Variants in FOXP2 observed in about 807,000 individuals in gnomAD.
FOXP2 encodes the protein forkhead box protein P2.
A neutral mutation model predicts 115.8 loss-of-function variants in FOXP2; 12 were observed. The observed-to-expected ratio is 0.10, with a 90% CI of 0.07 to 0.17. The LOEUF is 0.17. FOXP2 is among the 10% of genes least tolerant of loss of function. FOXP2 has a pLI of 1.00. For missense variants in FOXP2, 629 were observed against 843.5 expected (o/e 0.75, Z 3.15); for synonymous variants, 328 against 297.7 (o/e 1.10, Z -1.05).
chr7:114,375,116 G>T (rs1792109905), intron 2 of FOXP2, among the ~76,000 whole-genome samples: 1 of 152,022 alleles, frequency 6.6e-6, no homozygotes, highest in South Asian at 2.1e-4. Flanking sequence ...AATTGATAAG[G>T]GTTGAAACTA....
chr7:114,668,711 T>A (rs1435557068), intron 16 of FOXP2: 2 of 152,208 alleles, frequency 1.3e-5, no homozygotes, highest in Non-Finnish European at 1.5e-5. Context: ...ATTTTGCAGA[T>A]ATCCCTACCT....
intron 2 of FOXP2, among the ~76,000 whole-genome samples, chr7:114,289,973 A>T (rs779602459): frequency 6.6e-6 from 1 of 151,962 alleles, no homozygotes; most frequent in Non-Finnish European, 1.5e-5. Flanking sequence ...TCAGGTTGAT[A>T]GGAGTTTGCA....
intron 1 of FOXP2, among the ~76,000 whole-genome samples, chr7:114,181,538 A>C (rs1043149671): frequency 1.3e-5 from 2 of 151,904 alleles, no homozygotes; most frequent in African/African-American, 4.8e-5. Flanking sequence ...GAGCCTTCAG[A>C]GTTGTTGATG....
intron 3 of FOXP2, among the ~76,000 whole-genome samples, chr7:114,573,063 G>C (rs190251171): frequency 6.6e-6 from 1 of 151,760 alleles, no homozygotes; most frequent in African/African-American, 2.4e-5. Context: ...AGTTAGTGAG[G>C]TCTGGTATGG....
intron 1 of FOXP2, among the ~76,000 whole-genome samples, chr7:114,120,698 A>ATGCG (rs1562970533): frequency 1.3e-5 from 2 of 149,428 alleles, no homozygotes; most frequent in African/African-American, 4.9e-5. Flanking sequence ...GTGTATATGT[A>ATGCG]TGTGTGTGTG....
At chr7:114,100,123 A>G (rs1584478605) in intron 1 of FOXP2, among the ~76,000 whole-genome samples, 1 of 152,180 alleles carries the variant, frequency 6.6e-6, no homozygotes, top group Admixed American at 6.5e-5. Context: ...TAATTGATAC[A>G]AAGTTCTTCC....
At chr7:114,518,524 T>C (rs978576237) in intron 2 of FOXP2, among the ~76,000 whole-genome samples, 28 of 151,924 alleles carry the variant, frequency 1.8e-4, no homozygotes, top group African/African-American at 6.5e-4. Flanking sequence ...TTTTTTTTTT[T>C]GAGATGGAGT....
chr7:114,337,360 A>G (rs1276732946), intron 2 of FOXP2, among the ~76,000 whole-genome samples: 3 of 151,320 alleles, frequency 2.0e-5, no homozygotes, highest in Admixed American at 2.0e-4. Context: ...GAAAAGATTC[A>G]TGGGACACGT....
intron 3 of FOXP2, among the ~76,000 whole-genome samples, chr7:114,624,805 C>A (rs547489295): frequency 3.3e-5 from 5 of 151,180 alleles, no homozygotes; most frequent in African/African-American, 9.7e-5. Flanking sequence ...TTTAGGATGA[C>A]AATGATGTGA....
At chr7:114,140,842 A>C (rs1194190832) in intron 1 of FOXP2, among the ~76,000 whole-genome samples, 1 of 152,114 alleles carries the variant, frequency 6.6e-6, no homozygotes, top group East Asian at 1.9e-4. Context: ...CACACCTATT[A>C]CTTACTGTGA....
chr7:114,270,107 A>G (rs916021797), intron 1 of FOXP2, among the ~76,000 whole-genome samples: 1 of 152,186 alleles, frequency 6.6e-6, no homozygotes. Context: ...CTTTCACTTA[A>G]TAATATACGT....
chr7:114,470,804 C>G (rs1584775677), intron 2 of FOXP2, among the ~76,000 whole-genome samples: 1 of 152,052 alleles, frequency 6.6e-6, no homozygotes, highest in East Asian at 1.9e-4. Flanking sequence ...CTACCATCCT[C>G]CTTCTCCATG....
intron 5 of FOXP2, chr7:114,631,151 T>C: frequency 3.4e-6 from 1 of 291,664 alleles, no homozygotes; most frequent in South Asian, 3.7e-5. Context: ...AGATCAAACT[T>C]ATTCAATTGG....
intron 16 of FOXP2, among the ~76,000 whole-genome samples, chr7:114,688,823 G>T (rs1346113882): frequency 6.6e-6 from 1 of 152,136 alleles, no homozygotes; most frequent in Non-Finnish European, 1.5e-5. Flanking sequence ...ATGTCTCACT[G>T]AACTGCTGGG....
At chr7:114,370,744 C>T (rs375725636) in intron 2 of FOXP2, among the ~76,000 whole-genome samples, 6 of 152,236 alleles carry the variant, frequency 3.9e-5, no homozygotes, top group East Asian at 3.9e-4. Flanking sequence ...AATAACAATG[C>T]TAAATTTGTG....
At chr7:114,484,170 C>T (rs2129238966) in intron 2 of FOXP2, among the ~76,000 whole-genome samples, 1 of 151,738 alleles carries the variant, frequency 6.6e-6, no homozygotes, top group Middle Eastern at 3.4e-3. Flanking sequence ...CAAAGGTTGC[C>T]GATTTGTATC....
At chr7:114,591,702 C>T (rs1490399849) in intron 3 of FOXP2, among the ~76,000 whole-genome samples, 3 of 152,094 alleles carry the variant, frequency 2.0e-5, no homozygotes, top group African/African-American at 7.2e-5. Flanking sequence ...ATTTACCACA[C>T]TGTAGACCAT....
At chr7:114,684,116 C>T (rs749442524) in intron 16 of FOXP2, among the ~76,000 whole-genome samples, 3 of 152,080 alleles carry the variant, frequency 2.0e-5, no homozygotes, top group Non-Finnish European at 4.4e-5. Context: ...CCTCAGCCTC[C>T]CAAGTAGCTG....
At chr7:114,497,007 G>A (rs750759997) in intron 2 of FOXP2, among the ~76,000 whole-genome samples, 4 of 152,158 alleles carry the variant, frequency 2.6e-5, no homozygotes, top group Non-Finnish European at 5.9e-5. Context: ...TATATAGGTA[G>A]TAATACTTAT....
Sources: allele counts gnomAD v4.1 joint callset (sites outside exome capture counted in the v4.1 genomes callset), GRCh38; gene constraint gnomAD v4.1.1; transcripts MANE v1.5; gene names NCBI Gene and HGNC (gene_info 2026-07-23, HGNC 2026-07-21).